ARRB1: variants seen among roughly 807,000 people sequenced by gnomAD.
The protein encoded by ARRB1 is arrestin beta 1, also known as beta-arrestin-1.
ARRB1 carries 21 observed loss-of-function variants against 56.8 expected under a neutral mutation model. The observed-to-expected ratio is 0.37, with a 90% confidence interval of 0.26 to 0.53. The LOEUF (loss-of-function observed/expected upper bound fraction) is 0.53, where lower values mean the gene tolerates loss of function less well. ARRB1 is among the 20% of genes least tolerant of loss of function. The pLI, the probability that ARRB1 is intolerant of heterozygous loss-of-function variation, is 0.88. For missense variants in ARRB1, 424 were observed against 553.7 expected, an observed-to-expected ratio of 0.77 and a Z score of 2.35; for synonymous variants, 210 against 218.6, an observed-to-expected ratio of 0.96 and a Z score of 0.35.
intron 1 of ARRB1, among the ~76,000 whole-genome samples, chr11:75,304,225 A>G (rs942256074): frequency 6.6e-6 from 1 of 152,232 alleles, no homozygotes; most frequent in African/African-American, 2.4e-5. Context: ...TTAAAATAAG[A>G]TATTAATTCA....
intron 12 of ARRB1, 123 bp downstream of exon 12, chr11:75,272,772 T>C: frequency 2.4e-6 from 2 of 829,882 alleles, no homozygotes; most frequent in South Asian, 1.6e-5. Context: ...GGACAGGAGG[T>C]TCCTCCTCCA....
Position 75,285,646 on chromosome 11 carries a change from A to C in ARRB1, c.113-1367T>G, listed in dbSNP as rs116953245. Among the ~76,000 whole-genome samples the C allele has an allele frequency of 7.9e-5, 12 of 152,148 alleles. No homozygotes were observed. The East Asian group carries it at 2.3e-3, about 29-fold the overall frequency. Reference sequence around the variant, plus strand: ...CGTCACTATGGGAGAAGAATCTCTCACAGTGAGTCCCTGATCAGCTCTGCA... The same window carrying C: ...CGTCACTATGGGAGAAGAATCTCTCCCAGTGAGTCCCTGATCAGCTCTGCA... On this transcript the variant is annotated intron_variant, in intron 3 of 15. Transcript: ENST00000420843.
rs1555149827 is a variant in ARRB1 at position 75,261,206 on chromosome 11, G to GTGTGTGTGTGTGTGTGTGTA, written c.*4956_*4957insTACACACACACACACACACA. ...CGTGTGTGTGTGTGTGTGTGTGTGTGTGTGTGTGTGTGTGTATAAATGCTT... is the reference window on the plus strand; with the variant it reads ...CGTGTGTGTGTGTGTGTGTGTGTGTGTGTGTGTGTGTGTGTGTGTATGTGTGTGTGTGTGTATAAATGCTT... On this transcript the variant is annotated 3_prime_UTR_variant, in exon 16 of 16. Transcript: ENST00000420843. 1.3e-5 allele frequency: 2 copies of GTGTGTGTGTGTGTGTGTGTA among 152,026 alleles called. No individual in the cohort carries two copies. The highest frequency in any genetic ancestry group is 4.9e-5 in the African/African-American group (2 of 41,158). 9.4% of individuals were successfully genotyped at this position (152,026 alleles called of 1,614,324 possible). A position where few individuals can be genotyped will look rare whatever the true frequency, so the allele number is the denominator to read the frequency against.
chr11:75,342,534 C>T (rs1176467818), intron 1 of ARRB1, among the ~76,000 whole-genome samples: 1 of 152,176 alleles, frequency 6.6e-6, no homozygotes, highest in Non-Finnish European at 1.5e-5. Context: ...TCCTTGATCA[C>T]CGGTGGGTCA....
intron 1 of ARRB1, among the ~76,000 whole-genome samples, chr11:75,341,231 G>A (rs770123273): frequency 2.0e-5 from 3 of 152,076 alleles, no homozygotes; most frequent in East Asian, 1.9e-4. Context: ...TTCACCTCCC[G>A]GGTCCAAGCA....
At position 75,296,685 on chromosome 11, in the gene ARRB1, C is replaced by CT. The variant is rs796941023; in HGVS notation, c.21-6647dup. Among the ~76,000 whole-genome samples, 40 of 148,304 alleles carry CT rather than the reference C, an allele frequency of 2.7e-4. 1 individual carries two copies. Among genetic ancestry groups the CT allele is most frequent in the Admixed American group, 1.4e-3 (21 of 14,804 alleles). Reference sequence around the variant, plus strand: ...TCAGCTAAACAAGGAATTTTTTTTCCTTTTTTTTTTGAGATGGAGTCTCAC... The same window carrying CT: ...TCAGCTAAACAAGGAATTTTTTTTCCTTTTTTTTTTTGAGATGGAGTCTCAC... On this transcript the variant is annotated intron_variant, in intron 1 of 15. Transcript: ENST00000420843.
Position 75,292,794 on chromosome 11 carries a change from T to G in ARRB1, c.21-2755A>C, listed in dbSNP as rs1049432628. On this transcript the variant is annotated intron_variant, in intron 1 of 15. Coordinates refer to ENST00000420843, the MANE Select transcript of ARRB1 (RefSeq NM_004041.5). The stretch of plus-strand genomic sequence containing the variant: ...AAGGGAGGGAGGGAAGACAGAACTT[T>G]GTTGAGTGGCTAATTATTTCTCATA... Among the ~76,000 whole-genome samples the G allele has an allele frequency of 1.4e-4, 22 of 152,256 alleles. 1 individual carries two copies. In the South Asian group the frequency reaches 3.1e-3, roughly 22 times the overall value.
chr11:75,350,394 G>A lies in ARRB1; in HGVS notation c.20+1194C>T, dbSNP rs370843895. 7.1e-4 allele frequency among the ~76,000 whole-genome samples: 108 copies of A among 152,266 alleles called. 1 individual carries two copies. Among genetic ancestry groups the A allele is most frequent in the African/African-American group, 2.5e-3 (104 of 41,536 alleles). ...GGAGGAAAGGAAGGAGGCAGAAGTC[G>A]GACACAAGAATAGAAGAGAAAGACA... On this transcript the variant is annotated intron_variant, in intron 1 of 15. Transcript: ENST00000420843.
At chr11:75,283,563 G>A (rs1383701411) in intron 4 of ARRB1, 80 bp from the exon 5 acceptor site, 5 of 1,397,736 alleles carry the variant, frequency 3.6e-6, no homozygotes, top group Non-Finnish European at 4.8e-6. Context: ...GCAGCCCTGG[G>A]ACGGGCCCCA....
At chr11:75,338,833 C>T (rs1053341944) in intron 1 of ARRB1, among the ~76,000 whole-genome samples, 14 of 152,134 alleles carry the variant, frequency 9.2e-5, no homozygotes, top group Non-Finnish European at 1.8e-4. Context: ...AGTTTTAAAA[C>T]GTCTGTAGGT....
chr11:75,320,438 C>T (rs988961708), intron 1 of ARRB1, among the ~76,000 whole-genome samples: 15 of 152,210 alleles, frequency 9.9e-5, no homozygotes, highest in African/African-American at 3.1e-4. Context: ...GAGAAGGAGG[C>T]GGGAAAGAAG....
intron 1 of ARRB1, among the ~76,000 whole-genome samples, chr11:75,317,447 G>T (rs1947282934): frequency 1.3e-5 from 2 of 152,032 alleles, no homozygotes; most frequent in Admixed American, 1.3e-4. Context: ...CCCACACCCG[G>T]TTCACAGCCA....
chr11:75,336,185 G>A (rs777615843), intron 1 of ARRB1, among the ~76,000 whole-genome samples: 11 of 152,318 alleles, frequency 7.2e-5, no homozygotes, highest in East Asian at 1.9e-4. Context: ...CTACCAAGGC[G>A]GAAGAGTAGC....
intron 1 of ARRB1, among the ~76,000 whole-genome samples, chr11:75,329,249 C>T (rs996430735): frequency 2.4e-4 from 37 of 152,014 alleles, no homozygotes; most frequent in African/African-American, 8.7e-4. Flanking sequence ...TATAGGCACG[C>T]ACCACCATGT....
chr11:75,349,481 T>G (rs1234227262), intron 1 of ARRB1, among the ~76,000 whole-genome samples: 1 of 152,230 alleles, frequency 6.6e-6, no homozygotes, highest in African/African-American at 2.4e-5. Context: ...TGGAAGCCCA[T>G]GGTGTCCACA....
intron 15 of ARRB1, 51 bp from the exon 16 acceptor site, chr11:75,266,325 T>C (rs773187136): frequency 1.4e-5 from 21 of 1,496,642 alleles, no homozygotes; most frequent in Non-Finnish European, 1.9e-5. Context: ...GCAGGGAGAG[T>C]AGGCTTATCC....
chr11:75,309,041 G>A (rs1477203084), intron 1 of ARRB1, among the ~76,000 whole-genome samples: 1 of 152,248 alleles, frequency 6.6e-6, no homozygotes, highest in Non-Finnish European at 1.5e-5. Context: ...GGGAGGGGAA[G>A]AGAAAAGTTA....
chr11:75,286,545 G>A (rs765281567), intron 3 of ARRB1, among the ~76,000 whole-genome samples: 3 of 151,960 alleles, frequency 2.0e-5, no homozygotes, highest in South Asian at 2.1e-4. Flanking sequence ...GATTACAGGC[G>A]TGAGCCACCG....
chr11:75,329,681 TG>T (rs1565142762), intron 1 of ARRB1, among the ~76,000 whole-genome samples: 1 of 152,144 alleles, frequency 6.6e-6, no homozygotes, highest in Non-Finnish European at 1.5e-5. Flanking sequence ...ACATTCCATG[TG>T]GGGACGAACA....
Sources: allele counts gnomAD v4.1 joint callset (sites outside exome capture counted in the v4.1 genomes callset), GRCh38; gene constraint gnomAD v4.1.1; transcripts MANE v1.5; gene names NCBI Gene and HGNC (gene_info 2026-07-23, HGNC 2026-07-21).